ME3: variants seen among roughly 807,000 people sequenced by gnomAD.
The protein encoded by ME3 is malic enzyme 3.
A neutral mutation model predicts 68.9 loss-of-function variants in ME3; 48 were observed. The ratio of observed to expected loss-of-function variants is 0.70; its 90% CI spans 0.55 to 0.89. The LOEUF (loss-of-function observed/expected upper bound fraction) is 0.89, where lower values mean the gene tolerates loss of function less well. ME3 is among the 40% of genes least tolerant of loss of function. The pLI, the probability that ME3 is intolerant of heterozygous loss-of-function variation, is 0.00. For synonymous variants in ME3, 320 were observed against 318.8 expected (o/e 1.00, Z -0.04); for missense variants, 675 against 797.4 (o/e 0.85, Z 1.85).
intron 2 of ME3, among the ~76,000 whole-genome samples, chr11:86,658,150 A>G (rs929406717): frequency 1.3e-5 from 2 of 150,674 alleles, no homozygotes; most frequent in Non-Finnish European, 3.0e-5. Context: ...TTTTTGAGAC[A>G]ATCTCATGCT....
intron 11 of ME3, among the ~76,000 whole-genome samples, chr11:86,447,882 G>C (rs1413272799): frequency 1.1e-4 from 16 of 139,496 alleles, no homozygotes; most frequent in Admixed American, 3.6e-4. Context: ...AAAAGACAGA[G>C]AGAAAGAGAG....
At chr11:86,548,471 A>G (rs935836290) in intron 4 of ME3, among the ~76,000 whole-genome samples, 1 of 152,230 alleles carries the variant, frequency 6.6e-6, no homozygotes, top group Non-Finnish European at 1.5e-5. Flanking sequence ...ATAATCCATG[A>G]CAGATTCTGG....
chr11:86,643,995 TATA>T (rs1490801032), intron 2 of ME3, among the ~76,000 whole-genome samples: 1 of 152,210 alleles, frequency 6.6e-6, no homozygotes, highest in Non-Finnish European at 1.5e-5. Context: ...AGGAGCACTT[TATA>T]ATGGTAAAAC....
intron 8 of ME3, among the ~76,000 whole-genome samples, chr11:86,452,203 A>G (rs1020879089): frequency 6.6e-6 from 1 of 152,190 alleles, no homozygotes; most frequent in African/African-American, 2.4e-5. Context: ...TTAGTTGCCA[A>G]GAAGGAAATA....
At chr11:86,645,786 C>T (rs1418742887) in intron 2 of ME3, among the ~76,000 whole-genome samples, 1 of 152,190 alleles carries the variant, frequency 6.6e-6, no homozygotes, top group Non-Finnish European at 1.5e-5. Flanking sequence ...TCAACAGACA[C>T]CTCATACAGG....
At chr11:86,475,872 TATAGAGAGAGAG>T (rs1405809421) in intron 7 of ME3, among the ~76,000 whole-genome samples, 2 of 103,726 alleles carry the variant, frequency 1.9e-5, no homozygotes, top group Non-Finnish European at 3.8e-5. Flanking sequence ...TATATATATA[TATAGAGAGAGAG>T]AGAGAGAGAG....
rs1016583351 is a variant in ME3 at position 86,640,346 on chromosome 11, G to A, written c.183+31416C>T. On this transcript the variant is annotated intron_variant, in intron 2 of 14. Transcript: ENST00000543262. ...ATATGGGGTTTTCCAAGGCTAGGCA[G>A]CCTCTGACTTTTATTTCTATGGACC... Among the ~76,000 whole-genome samples the A allele has an allele frequency of 2.0e-5, 3 of 152,224 alleles. No individual in the cohort carries two copies. The South Asian group carries it at 6.2e-4, about 32-fold the overall frequency.
At chr11:86,556,617 T>C (rs774808286) in exon 4 of ME3, 12 of 1,614,112 alleles carry the variant, frequency 7.4e-6, no homozygotes, top group East Asian at 2.2e-5. Flanking sequence ...GTGTACACGA[T>C]TGGCATGAAC....
intron 2 of ME3, among the ~76,000 whole-genome samples, chr11:86,568,739 G>C (rs964245294): frequency 3.3e-5 from 5 of 152,206 alleles, no homozygotes; most frequent in African/African-American, 1.2e-4. Context: ...CAGTCTCCCA[G>C]TACTGCTTTG....
intron 2 of ME3, among the ~76,000 whole-genome samples, chr11:86,594,082 T>TA: frequency 6.8e-6 from 1 of 146,478 alleles, no homozygotes; most frequent in Non-Finnish European, 1.5e-5. Flanking sequence ...GGAAACAAAG[T>TA]AAAAAAACAG....
intron 2 of ME3, among the ~76,000 whole-genome samples, chr11:86,606,052 C>A (rs1301244411): frequency 6.6e-6 from 1 of 152,128 alleles, no homozygotes; most frequent in African/African-American, 2.4e-5. Context: ...TGGGAGTTCA[C>A]CCTGTGTTGC....
chr11:86,531,865 T>C (rs891916179), intron 4 of ME3, among the ~76,000 whole-genome samples: 4 of 150,824 alleles, frequency 2.7e-5, no homozygotes, highest in Non-Finnish European at 5.9e-5. Flanking sequence ...CTGGGAGATA[T>C]ACCTAATATT....
intron 3 of ME3, among the ~76,000 whole-genome samples, chr11:86,559,071 A>T (rs1957070771): frequency 6.6e-6 from 1 of 152,164 alleles, no homozygotes; most frequent in Non-Finnish European, 1.5e-5. Context: ...TCAACCTGGG[A>T]AGTGACTACC....
chr11:86,542,440 A>G (rs188982888), intron 4 of ME3, among the ~76,000 whole-genome samples: 3 of 152,326 alleles, frequency 2.0e-5, no homozygotes, highest in Admixed American at 1.3e-4. Context: ...AACTAGAATA[A>G]CCATTTAGAG....
At chr11:86,506,356 A>C (rs1252875901) in intron 5 of ME3, among the ~76,000 whole-genome samples, 1 of 152,212 alleles carries the variant, frequency 6.6e-6, no homozygotes, top group Non-Finnish European at 1.5e-5. Flanking sequence ...TTTAGCTCCT[A>C]AGGTTCTATT....
intron 8 of ME3, chr11:86,464,151 A>G (rs11234662): frequency 0.45 from 195,760 of 437,988 alleles, 44,919 homozygotes; most frequent in South Asian, 0.52. Flanking sequence ...AAGTTGGCCA[A>G]CCTTTAGCAA....
At chr11:86,455,765 A>G (rs2138663292) in intron 8 of ME3, among the ~76,000 whole-genome samples, 1 of 152,202 alleles carries the variant, frequency 6.6e-6, no homozygotes, top group East Asian at 1.9e-4. Flanking sequence ...TCCCATATCT[A>G]CTTTTTTATC....
intron 7 of ME3, among the ~76,000 whole-genome samples, chr11:86,475,056 T>C (rs1212697091): frequency 6.6e-6 from 1 of 152,232 alleles, no homozygotes; most frequent in Non-Finnish European, 1.5e-5. Context: ...ACAGGGAAAA[T>C]TGAATTCTTC....
chr11:86,512,452 T>C (rs74385988), intron 4 of ME3, among the ~76,000 whole-genome samples: 1 of 152,228 alleles, frequency 6.6e-6, no homozygotes, highest in African/African-American at 2.4e-5. Flanking sequence ...TCCCTAAACT[T>C]AGTCCATAAT....
Sources: allele counts gnomAD v4.1 joint callset (sites outside exome capture counted in the v4.1 genomes callset), GRCh38; gene constraint gnomAD v4.1.1; transcripts MANE v1.5; gene names NCBI Gene and HGNC (gene_info 2026-07-23, HGNC 2026-07-21).